Variants in AFG1L observed in about 807,000 individuals in gnomAD.
AFG1L encodes AFG1 like ATPase.
A neutral mutation model predicts 62.2 loss-of-function variants in AFG1L; 53 were observed. The ratio of observed to expected loss-of-function variants is 0.85; its 90% confidence interval spans 0.68 to 1.07. The LOEUF (loss-of-function observed/expected upper bound fraction) is 1.07, where lower values mean the gene tolerates loss of function less well. AFG1L is among the 50% of genes least tolerant of loss of function. The pLI is 0.00. For synonymous variants in AFG1L, 228 were observed against 210.3 expected (o/e 1.08, Z -0.73); for missense variants, 555 against 590.5 (o/e 0.94, Z 0.62).
intron 1 of AFG1L, among the ~76,000 whole-genome samples, chr6:108,298,474 C>T (rs1296912648): frequency 1.3e-5 from 2 of 152,120 alleles, no homozygotes; most frequent in Non-Finnish European, 2.9e-5. Context: ...ACATGTTGGT[C>T]AGGCTGGTCT....
At chr6:108,477,342 T>C in intron 10 of AFG1L, 50 bp downstream of exon 10, 4 of 1,080,306 alleles carry the variant, frequency 3.7e-6, no homozygotes, top group African/African-American at 1.6e-5. Flanking sequence ...CATGTTAAAA[T>C]ACTTCGTGTT....
At chr6:108,399,646 AT>A (rs1781473584) in intron 6 of AFG1L, among the ~76,000 whole-genome samples, 1 of 125,126 alleles carries the variant, frequency 8.0e-6, no homozygotes, top group Admixed American at 7.7e-5. Context: ...ACTTTACTGA[AT>A]TTGTTTATCA....
intron 10 of AFG1L, among the ~76,000 whole-genome samples, chr6:108,487,292 G>A (rs563712496): frequency 6.6e-6 from 1 of 152,280 alleles, no homozygotes; most frequent in East Asian, 1.9e-4. Flanking sequence ...TTGAGTACAG[G>A]AGTTCTTGGC....
At position 108,510,239 on chromosome 6, in the gene AFG1L, C is replaced by T. The variant is rs147043548; in HGVS notation, c.1090C>T (p.Leu364=). ...RPLGASDYLE[L]SKNFDTIFLR... ...ACTTGGAGCCAGTGACTATTTGGAA[C>T]TATCAAAGAATTTTGATACAATATT... is the stretch of plus-strand genomic sequence containing the variant. The change falls in exon 11 of 13, where the codon CTA becomes TTA. Residue 364 remains leucine, a synonymous_variant. Coordinates refer to ENST00000368977, the MANE Select transcript of AFG1L (RefSeq NM_145315.5). The T allele has an allele frequency of 3.6e-5, 58 of 1,609,890 alleles. No individual in the cohort carries two copies. The highest frequency in any genetic ancestry group is 4.5e-5 in the Non-Finnish European group (53 of 1,178,074).
At chr6:108,437,698 A>C (rs906544128) in intron 7 of AFG1L, among the ~76,000 whole-genome samples, 1 of 152,194 alleles carries the variant, frequency 6.6e-6, no homozygotes, top group African/African-American at 2.4e-5. Context: ...ATAATATAAA[A>C]TCATATTGTA....
chr6:108,444,051 A>C (rs1771658573), intron 7 of AFG1L, among the ~76,000 whole-genome samples: 1 of 141,530 alleles, frequency 7.1e-6, no homozygotes, highest in Admixed American at 7.4e-5. Flanking sequence ...TGAAGTGAAT[A>C]TCTCCCATCT....
At chr6:108,439,296 G>A (rs943185417) in intron 7 of AFG1L, among the ~76,000 whole-genome samples, 8 of 152,182 alleles carry the variant, frequency 5.3e-5, no homozygotes, top group Non-Finnish European at 8.8e-5. Context: ...CTAGTAGCCA[G>A]GGAAGTGCCC....
At chr6:108,454,223 A>T (rs1772167273) in intron 8 of AFG1L, among the ~76,000 whole-genome samples, 2 of 152,198 alleles carry the variant, frequency 1.3e-5, no homozygotes, top group Non-Finnish European at 2.9e-5. Context: ...TGGTGTCACA[A>T]TGGAATAGTG....
chr6:108,469,671 G>A (rs895758626), intron 8 of AFG1L, among the ~76,000 whole-genome samples: 195 of 152,330 alleles, frequency 1.3e-3, no homozygotes, highest in Non-Finnish European at 1.7e-3. Context: ...AGAGGGCTTT[G>A]TGCAGTGATA....
chr6:108,406,471 T>C (rs2114645236), intron 7 of AFG1L, among the ~76,000 whole-genome samples: 1 of 152,324 alleles, frequency 6.6e-6, no homozygotes, highest in Non-Finnish European at 1.5e-5. Context: ...GGAGTCTTGC[T>C]CTGTCACACA....
chr6:108,392,556 T>C (rs1168566174), intron 6 of AFG1L, among the ~76,000 whole-genome samples: 1 of 152,166 alleles, frequency 6.6e-6, no homozygotes, highest in East Asian at 1.9e-4. Context: ...TTCATCAATG[T>C]GTGTTGAATT....
chr6:108,504,650 G>A (rs1437749939), intron 10 of AFG1L, among the ~76,000 whole-genome samples: 1 of 152,198 alleles, frequency 6.6e-6, no homozygotes, highest in Non-Finnish European at 1.5e-5. Flanking sequence ...CAACAGACTT[G>A]CTTGATGCAG....
At chr6:108,393,300 A>C (rs1377385654) in intron 6 of AFG1L, among the ~76,000 whole-genome samples, 2 of 152,162 alleles carry the variant, frequency 1.3e-5, no homozygotes, top group South Asian at 2.1e-4. Flanking sequence ...GATGTATTGC[A>C]TTGATAATTA....
In AFG1L at chr6:108,323,055, G is replaced by A. The variant is rs146743462; in HGVS notation, c.140-770G>A. Among the ~76,000 whole-genome samples the A allele has an allele frequency of 1.9e-3, 295 of 152,302 alleles. 1 individual carries two copies. Among genetic ancestry groups the A allele is most frequent in the East Asian group, 0.015 (79 of 5,180 alleles). On this transcript the variant is annotated intron_variant, in intron 1 of 12. Transcript: ENST00000368977. ...ATCTCAGAAGCAGAGGGCTGAAATC[G>A]ATGTGGTAATATCTGAATGTTATGT...
intron 6 of AFG1L, among the ~76,000 whole-genome samples, chr6:108,397,351 C>T (rs1048342569): frequency 2.0e-5 from 3 of 152,234 alleles, no homozygotes; most frequent in East Asian, 3.8e-4. Flanking sequence ...TGGTCTCGAA[C>T]TCCTGACCTC....
chr6:108,377,495 G>C (rs903748419), intron 6 of AFG1L, among the ~76,000 whole-genome samples: 1 of 152,038 alleles, frequency 6.6e-6, no homozygotes, highest in Non-Finnish European at 1.5e-5. Flanking sequence ...TTTCTTCTTT[G>C]CTATGAAACT....
intron 7 of AFG1L, among the ~76,000 whole-genome samples, chr6:108,406,758 T>G (rs1052472569): frequency 8.5e-5 from 13 of 152,190 alleles, no homozygotes; most frequent in Non-Finnish European, 1.8e-4. Context: ...TTTTTTCAAA[T>G]TGGGCAACAT....
chr6:108,364,165 A>G (rs1321158825), intron 5 of AFG1L, among the ~76,000 whole-genome samples: 1 of 152,204 alleles, frequency 6.6e-6, no homozygotes, highest in Non-Finnish European at 1.5e-5. Context: ...CAGCTCTCCA[A>G]GAATGTGTGG....
At chr6:108,395,641 A>T (rs993536949) in intron 6 of AFG1L, among the ~76,000 whole-genome samples, 1 of 151,900 alleles carries the variant, frequency 6.6e-6, no homozygotes, top group Non-Finnish European at 1.5e-5. Flanking sequence ...GGCTCAAACA[A>T]TCCACCCGCC....
Sources: gnomAD v4.1 joint callset for allele counts (sites outside exome capture counted in the v4.1 genomes callset) on GRCh38, gnomAD v4.1.1 for gene constraint, MANE v1.5 for transcripts, NCBI Gene and HGNC (gene_info 2026-07-23, HGNC 2026-07-21) for gene names.